Variants in LPCAT1 observed in about 807,000 individuals in gnomAD.
LPCAT1 encodes 1-acylglycerol-3-phosphate O-acyltransferase.
Under a neutral mutation model 60.9 loss-of-function variants are expected in LPCAT1, and 23 were observed. The ratio of observed to expected loss-of-function variants is 0.38; its 90% CI spans 0.27 to 0.53. The LOEUF (loss-of-function observed/expected upper bound fraction) is 0.53. Among genes scored for constraint, LPCAT1 ranks in the 20% least tolerant of loss-of-function variants. The pLI is 0.82. For missense variants in LPCAT1, 622 were observed against 723.6 expected, an observed-to-expected ratio of 0.86 and a Z score of 1.61; for synonymous variants, 340 against 301.1, an observed-to-expected ratio of 1.13 and a Z score of -1.34.
intron 12 of LPCAT1, among the ~76,000 whole-genome samples, chr5:1,467,508 G>A (rs1299288139): frequency 6.6e-6 from 1 of 152,050 alleles, no homozygotes; most frequent in African/African-American, 2.4e-5. Context: ...GGCGGCTCCG[G>A]CCCTCTCTGT....
At chr5:1,506,889 T>C (rs888762133) in intron 1 of LPCAT1, among the ~76,000 whole-genome samples, 29 of 152,214 alleles carry the variant, frequency 1.9e-4, no homozygotes, top group African/African-American at 6.5e-4. Context: ...GGCAGGTGTC[T>C]TTTCTCCTCA....
In LPCAT1 at chr5:1,523,716, C is replaced by T; in HGVS notation, c.129G>A (p.Lys43=). Residue 43 remains lysine (K), a synonymous_variant, in exon 1 of 14, where the codon AAG becomes AAA. Coordinates refer to ENST00000283415, the MANE Select transcript of LPCAT1 (RefSeq NM_024830.5). This position sits in a 1 kb window ranked among gnomAD's most constrained non-coding sequence, Gnocchi z 7.1. ...GCGCGCCCTGGGCACCCACCTGGGC[C>T]TTCTGCAGGGCGCTGAGGCGCAGCT... ...VHELRLSALQ[K]AQVALMTLTL... 8.7e-7 allele frequency: 1 copy of T among 1,152,572 alleles called. No homozygotes were observed. The highest frequency in any genetic ancestry group is 2.5e-5 in the South Asian group (1 of 39,690). 71.4% of individuals were successfully genotyped at this position (1,152,572 alleles called of 1,614,324 possible).
chr5:1,466,004 C>A (rs1254566189), intron 13 of LPCAT1, among the ~76,000 whole-genome samples: 1 of 152,214 alleles, frequency 6.6e-6, no homozygotes, highest in African/African-American at 2.4e-5. Context: ...AGACGCTGTG[C>A]ACGCAGCTCT....
Position 1,466,973 on chromosome 5 carries a change from G to A in LPCAT1, c.1279-83C>T, listed in dbSNP as rs1734439712. The A allele has an allele frequency of 4.5e-6, 6 of 1,333,378 alleles. 1 individual carries two copies. In the African/African-American group the frequency reaches 9.0e-5, roughly 20 times the overall value. 82.6% of individuals were successfully genotyped at this position (1,333,378 alleles called of 1,614,324 possible). ...TGTCCAGGGACACCCCAGCGGCCCT[G>A]CCCCGCTTTGTCAGAGCTGCTGGGC... is the stretch of plus-strand genomic sequence containing the variant. On this transcript the variant is annotated intron_variant, in intron 12 of 13. Transcript: ENST00000283415.
chr5:1,494,978 CA>C (rs1409867362), intron 2 of LPCAT1, 64 bp from the exon 3 acceptor site: 54 of 1,452,338 alleles, frequency 3.7e-5, no homozygotes, highest in Non-Finnish European at 4.5e-5. Context: ...GTGTGAGGCA[CA>C]GGGGCGGTCC....
intron 13 of LPCAT1, among the ~76,000 whole-genome samples, chr5:1,465,732 T>G (rs151215952): frequency 1.6e-4 from 25 of 151,860 alleles, no homozygotes; most frequent in Admixed American, 1.6e-3. Context: ...CTTTCAATAC[T>G]GAAACAAGCA....
At position 1,480,898 on chromosome 5, in the gene LPCAT1, C is replaced by T; in HGVS notation, c.761+44G>A. ...AGACCCCAAGCAGCCCCTACGTGTT[C>T]ATGGAACAACAGGACAAAGAGGACG... On this transcript the variant is annotated intron_variant, in intron 7 of 13. Transcript: ENST00000283415. The surrounding 1 kb of genome is among the most constrained non-coding windows in gnomAD (Gnocchi z 6.4). The T allele has an allele frequency of 6.2e-7, 1 of 1,612,882 alleles. No individual in the cohort carries two copies. The highest frequency in any genetic ancestry group is 1.1e-5 in the South Asian group (1 of 91,066).
intron 13 of LPCAT1, 58 bp from the exon 14 acceptor site, chr5:1,463,893 T>C (rs1286805783): frequency 1.3e-6 from 2 of 1,577,998 alleles, no homozygotes; most frequent in Non-Finnish European, 8.7e-7. Context: ...GTCTAGGATT[T>C]GGAGGCTCTT....
intron 12 of LPCAT1, among the ~76,000 whole-genome samples, chr5:1,468,156 G>T (rs1034579863): frequency 5.9e-5 from 9 of 152,164 alleles, no homozygotes; most frequent in African/African-American, 2.2e-4. Flanking sequence ...CCGGGGCTCT[G>T]CCTCTACCCC....
chr5:1,506,695 G>GAAC (rs1470906800), intron 1 of LPCAT1, among the ~76,000 whole-genome samples: 1 of 152,232 alleles, frequency 6.6e-6, no homozygotes, highest in African/African-American at 2.4e-5. Context: ...GAAACTCCCA[G>GAAC]AACAATGGCC....
chr5:1,479,518 T>C (rs770750112), intron 8 of LPCAT1, 103 bp downstream of exon 8: 16 of 843,530 alleles, frequency 1.9e-5, no homozygotes, highest in Admixed American at 5.4e-5. Flanking sequence ...GCAAGACAGG[T>C]GATATGCCAC....
intron 2 of LPCAT1, 31 bp from the exon 3 acceptor site, chr5:1,494,945 A>T (rs1374636030): frequency 1.3e-6 from 2 of 1,552,200 alleles, no homozygotes; most frequent in African/African-American, 2.7e-5. Flanking sequence ...TCACGCGGGC[A>T]CACGTCCGCA....
intron 1 of LPCAT1, among the ~76,000 whole-genome samples, chr5:1,507,500 A>C (rs777980283): frequency 6.6e-6 from 1 of 152,252 alleles, no homozygotes; most frequent in Non-Finnish European, 1.5e-5. Context: ...CGGCCGCTAA[A>C]TACCACTTCC....
chr5:1,473,196 GTGCTGTCACACGGGACATCTCA>G (rs1188114960), intron 11 of LPCAT1, among the ~76,000 whole-genome samples: 2 of 152,174 alleles, frequency 1.3e-5, no homozygotes, highest in East Asian at 3.9e-4. Context: ...AACATATATG[GTGCTGTCACACGGGACATCTCA>G]TGCTGTCACG....
rs1241015628 is a variant in LPCAT1 at position 1,483,158 on chromosome 5, C to T, written c.726+270G>A. Among the ~76,000 whole-genome samples, 2 of 152,100 alleles carry T rather than the reference C, an allele frequency of 1.3e-5. No individual in the cohort carries two copies. The highest frequency in any genetic ancestry group is 2.4e-5 in the African/African-American group (1 of 41,412). ...TGTCAGGAGCTATGGAAGCAGGGCT[C>T]TGGAACACTGGGGACCACTGTGGAA... On this transcript the variant is annotated intron_variant, in intron 6 of 13. Coordinates refer to ENST00000283415, the MANE Select transcript of LPCAT1 (RefSeq NM_024830.5). The surrounding 1 kb of genome is among the most constrained non-coding windows in gnomAD (Gnocchi z 9.2).
At chr5:1,466,217 C>A (rs1734394836) in intron 13 of LPCAT1, among the ~76,000 whole-genome samples, 1 of 152,232 alleles carries the variant, frequency 6.6e-6, no homozygotes, top group African/African-American at 2.4e-5. Context: ...ACCGCCATTA[C>A]CGACAGCTCG....
At chr5:1,515,523 T>C (rs1188153269) in intron 1 of LPCAT1, among the ~76,000 whole-genome samples, 1 of 64,182 alleles carries the variant, frequency 1.6e-5, no homozygotes, top group Non-Finnish European at 3.0e-5. Context: ...TGCCCCACAC[T>C]ACCCGCAGAT....
In LPCAT1 at chr5:1,487,798, C is replaced by A. The variant is rs1192090132; in HGVS notation, c.667+593G>T. On this transcript the variant is annotated intron_variant, in intron 5 of 13. Coordinates refer to ENST00000283415, the MANE Select transcript of LPCAT1 (RefSeq NM_024830.5). The surrounding 1 kb of genome is among the most constrained non-coding windows in gnomAD (Gnocchi z 6.1). ...ACACGCCCAAGGGTGTGCAGAATTC[C>A]AAACAGACTCAGCGCAAAAAGAACA... Among the ~76,000 whole-genome samples, 1 of 152,160 alleles carries A rather than the reference C, an allele frequency of 6.6e-6. No homozygotes were observed. Among genetic ancestry groups the A allele is most frequent in the East Asian group, 1.9e-4 (1 of 5,194 alleles).
Position 1,487,421 on chromosome 5 carries a change from T to A in LPCAT1, c.667+970A>T, listed in dbSNP as rs1317694722. Reference sequence around the variant, plus strand: ...TTCCAGTGAGCTGCACCTTGAAGCCTCTGGAAGCAAAACCTGCCATCTGCC... The same window carrying A: ...TTCCAGTGAGCTGCACCTTGAAGCCACTGGAAGCAAAACCTGCCATCTGCC... On this transcript the variant is annotated intron_variant, in intron 5 of 13. Coordinates refer to ENST00000283415, the MANE Select transcript of LPCAT1 (RefSeq NM_024830.5). The surrounding 1 kb of genome is among the most constrained non-coding windows in gnomAD (Gnocchi z 6.1). Among the ~76,000 whole-genome samples, 1 of 152,136 alleles carries A rather than the reference T, an allele frequency of 6.6e-6. No individual in the cohort carries two copies. The highest frequency in any genetic ancestry group is 1.5e-5 in the Non-Finnish European group (1 of 68,032).
Sources: gnomAD v4.1 joint callset for allele counts (sites outside exome capture counted in the v4.1 genomes callset) on GRCh38, gnomAD v4.1.1 for gene constraint, Gnocchi (gnomAD v3.1) non-coding constraint, MANE v1.5 for transcripts, NCBI Gene and HGNC (gene_info 2026-07-23, HGNC 2026-07-21) for gene names.